SSC5D: variants seen among roughly 807,000 people sequenced by gnomAD.
SSC5D encodes the protein soluble scavenger receptor cysteine-rich domain-containing protein SSC5D.
Under a neutral mutation model 104.6 loss-of-function variants are expected in SSC5D, and 106 were observed. The ratio of observed to expected loss-of-function variants is 1.01; its 90% CI spans 0.87 to 1.19. SSC5D has a LOEUF of 1.19. Among genes scored for constraint, SSC5D ranks in the 50% most tolerant of loss-of-function variants. The pLI is 0.00. For synonymous variants in SSC5D, 860 were observed against 883.5 expected, an observed-to-expected ratio of 0.97 and a Z score of 0.47; for missense variants, 1,993 against 2,153.8, an observed-to-expected ratio of 0.93 and a Z score of 1.48.
rs1326682189 is a variant in SSC5D, at chr19:55,493,855, C to G, written c.1156C>G (p.Arg386Gly). 10 of 1,549,146 alleles carry G rather than the reference C, an allele frequency of 6.5e-6. No individual in the cohort carries two copies. The highest frequency in any genetic ancestry group is 8.7e-6 in the Non-Finnish European group (10 of 1,146,692). Residue 386 changes from arginine to glycine, a missense_variant, in exon 7 of 14, where the codon CGG (arginine) becomes GGG (glycine). Transcript: ENST00000389623. ...GACGGCCTTACGATTCTGCCCAGCT[C>G]GGCCCTGGGGCCAGCATGACTGTCA... ...NETALRFCPA[R>G]PWGQHDCHHR...
At position 55,517,494 on chromosome 19, in the gene SSC5D, C is replaced by A. The variant is rs1156650263; in HGVS notation, c.3218C>A (p.Thr1073Asn). The A allele has an allele frequency of 1.3e-6, 2 of 1,551,388 alleles. No homozygotes were observed. Among genetic ancestry groups the A allele is most frequent in the Admixed American group, 2.0e-5 (1 of 50,956 alleles). The change falls in exon 14 of 14, where the codon ACC (threonine) becomes AAC (asparagine). Residue 1073 changes from threonine (T) to asparagine (N), a missense_variant. Around this residue, in one of 6 missense-constraint regions of SSC5D, gnomAD observed 423 missense variants for 409.2 expected, o/e 1.03. Coordinates refer to ENST00000389623, the MANE Select transcript of SSC5D (RefSeq NM_001144950.2). ...ACAAGCCCTGACTTTGCTTTGTCCA[C>A]CCCTGACTCCAGTGTGGTTCCCGCG... The part of the protein sequence containing the change: ...ILTSPDFALS[T>N]PDSSVVPALT...
Position 55,490,765 on chromosome 19 carries a change from C to A in SSC5D, c.587-7C>A. On this transcript the variant is annotated splice_polypyrimidine_tract_variant and splice_region_variant and intron_variant, in intron 5 of 13. Coordinates refer to ENST00000389623, the MANE Select transcript of SSC5D (RefSeq NM_001144950.2). ...GCCACACCGTCCCCTCCCTGCTCAC[C>A]CCACAGAGCGGCTGCGCCTGGTCTC... is the stretch of plus-strand genomic sequence containing the variant. 1.3e-6 allele frequency: 2 copies of A among 1,509,580 alleles called. No individual in the cohort carries two copies. 93.5% of individuals were successfully genotyped at this position (1,509,580 alleles called of 1,614,324 possible).
intron 8 of SSC5D, among the ~76,000 whole-genome samples, chr19:55,495,478 C>T (rs1379406933): frequency 6.6e-6 from 1 of 150,966 alleles, no homozygotes; most frequent in Non-Finnish European, 1.5e-5. Flanking sequence ...AACCATCTGC[C>T]TGCCTCGGCC....
Position 55,517,482 on chromosome 19 carries a change from T to G in SSC5D, c.3206T>G (p.Phe1069Cys). Residue 1069 changes from phenylalanine (F) to cysteine (C), a missense_variant, in exon 14 of 14, where the codon TTT (phenylalanine) becomes TGT (cysteine). Phe to Cys is a radical substitution (Grantham distance 205). Transcript: ENST00000389623. ...NPDLILTSPD[F>C]ALSTPDSSVV... ...GACCTCATCTTGACAAGCCCTGACT[T>G]TGCTTTGTCCACCCCTGACTCCAGT... 6.4e-7 allele frequency: 1 copy of G among 1,551,188 alleles called. No individual in the cohort carries two copies. The highest frequency in any genetic ancestry group is 8.7e-7 in the Non-Finnish European group (1 of 1,146,954).
chr19:55,513,588 A>G (rs1017309637), intron 13 of SSC5D, among the ~76,000 whole-genome samples: 3 of 152,116 alleles, frequency 2.0e-5, no homozygotes, highest in African/African-American at 7.2e-5. Flanking sequence ...ACAAAAACAG[A>G]ACCAAGAGGT....
chr19:55,511,522 C>G (rs1987756390), intron 12 of SSC5D, among the ~76,000 whole-genome samples: 1 of 152,126 alleles, frequency 6.6e-6, no homozygotes, highest in South Asian at 2.1e-4. Flanking sequence ...TGGTTGTTCC[C>G]AGTGTTTTGC....
At chr19:55,510,144 T>C (rs534888264) in intron 12 of SSC5D, among the ~76,000 whole-genome samples, 21 of 152,084 alleles carry the variant, frequency 1.4e-4, no homozygotes, top group African/African-American at 5.1e-4. Context: ...ACTACTGGTG[T>C]GCCCCACCAC....
intron 13 of SSC5D, among the ~76,000 whole-genome samples, chr19:55,514,427 T>G (rs1987823439): frequency 3.0e-5 from 2 of 66,710 alleles, no homozygotes; most frequent in African/African-American, 1.0e-4. Flanking sequence ...ATAATAATAA[T>G]AATAATAATA....
intron 7 of SSC5D, 130 bp from the exon 8 acceptor site, chr19:55,494,480 G>A: frequency 9.6e-7 from 1 of 1,040,872 alleles, no homozygotes. Context: ...TGTCTAGGGA[G>A]GAGGTTCGGC....
rs1987962393 is a variant in SSC5D at position 55,518,969 on chromosome 19, G to T, written c.4693G>T (p.Glu1565Ter). ...ACCAACCACCACTACCCCAGAGGAA[G>T]AAGAAAGACCCCTGAGGGGAGACGT... ...PAPTTTTPEE[E>*]ERPLRGDV The change falls in exon 14 of 14, where the codon GAA (glutamate) becomes TAA (stop). Residue 1565 changes from glutamate to a stop codon, truncating the protein, a stop_gained. Coordinates refer to ENST00000389623, the MANE Select transcript of SSC5D (RefSeq NM_001144950.2). LOFTEE classifies it high-confidence loss of function. 1 of 1,550,300 alleles carries T rather than the reference G, an allele frequency of 6.5e-7. No individual in the cohort carries two copies. Among genetic ancestry groups the T allele is most frequent in the African/African-American group, 1.4e-5 (1 of 73,012 alleles).
chr19:55,504,151 C>A lies in SSC5D; in HGVS notation c.2785+2950C>A, dbSNP rs187861899. ...GGGAGCTCCGAGAGGTGATGCTCCTCGTTCAAGGACTGCCAGGGTTGCAGC... is the reference window on the plus strand; with the variant it reads ...GGGAGCTCCGAGAGGTGATGCTCCTAGTTCAAGGACTGCCAGGGTTGCAGC... On this transcript the variant is annotated intron_variant, in intron 12 of 13. Coordinates refer to ENST00000389623, the MANE Select transcript of SSC5D (RefSeq NM_001144950.2). 21 of 1,535,672 alleles carry A rather than the reference C, an allele frequency of 1.4e-5. No individual in the cohort carries two copies. The East Asian group carries it at 3.7e-4, about 27-fold the overall frequency.
At chr19:55,508,947 C>T (rs1387119646) in intron 12 of SSC5D, among the ~76,000 whole-genome samples, 1 of 147,462 alleles carries the variant, frequency 6.8e-6, no homozygotes. Context: ...CAGGGATGGC[C>T]TCATCCACAG....
intron 12 of SSC5D, among the ~76,000 whole-genome samples, chr19:55,502,472 TCTC>T (rs1330312012): frequency 6.6e-6 from 1 of 152,144 alleles, no homozygotes; most frequent in Admixed American, 6.6e-5. Context: ...GTGGTCAGTT[TCTC>T]TTTATTTTTT....
chr19:55,490,422 A>G lies in SSC5D; in HGVS notation c.586+14A>G. The G allele has an allele frequency of 3.6e-6, 3 of 843,810 alleles. No individual in the cohort carries two copies. The highest frequency in any genetic ancestry group is 5.3e-6 in the Non-Finnish European group (3 of 565,268). 52.3% of individuals were successfully genotyped at this position (843,810 alleles called of 1,614,324 possible). On this transcript the variant is annotated intron_variant, in intron 5 of 13. Coordinates refer to ENST00000389623, the MANE Select transcript of SSC5D (RefSeq NM_001144950.2). ...CCCCCCGCCAAGGTAAGCTCCCTGC[A>G]GGCTCCCCCGACCCCAAGGCTGGTT... is the stretch of plus-strand genomic sequence containing the variant.
intron 9 of SSC5D, among the ~76,000 whole-genome samples, chr19:55,499,076 G>A (rs1357481527): frequency 3.3e-5 from 5 of 152,178 alleles, no homozygotes; most frequent in Admixed American, 3.3e-4. Context: ...CAGAGTGTTC[G>A]TGGGGACTTG....
chr19:55,501,197 C>T lies in SSC5D; in HGVS notation c.2781C>T (p.Asp927=). The T allele has an allele frequency of 6.5e-7, 1 of 1,527,454 alleles. No homozygotes were observed. Among genetic ancestry groups the T allele is most frequent in the Non-Finnish European group, 8.8e-7 (1 of 1,136,620 alleles). 94.6% of individuals were successfully genotyped at this position (1,527,454 alleles called of 1,614,324 possible). A position where few individuals can be genotyped will look rare whatever the true frequency, so the allele number is the denominator to read the frequency against. Residue 927 remains aspartate, a synonymous_variant, in exon 12 of 14, where the codon GAC becomes GAT. Coordinates refer to ENST00000389623, the MANE Select transcript of SSC5D (RefSeq NM_001144950.2). ...SSSPAIRRLP[D]TGSKDGYKLP... is the part of the protein sequence containing the mutation. ...CCCCAGCAATAAGGCGCCTGCCGGA[C>T]ACAGGTGAGAGGCCTGATTGGGGTG...
At chr19:55,516,389 C>T (rs899921888) in intron 13 of SSC5D, among the ~76,000 whole-genome samples, 6 of 151,608 alleles carry the variant, frequency 4.0e-5, no homozygotes, top group African/African-American at 9.7e-5. Flanking sequence ...CCCAGCTACT[C>T]GGGAGGCTGA....
intron 13 of SSC5D, among the ~76,000 whole-genome samples, chr19:55,513,631 C>A (rs752544363): frequency 6.6e-6 from 1 of 152,104 alleles, no homozygotes; most frequent in African/African-American, 2.4e-5. Context: ...CAACTAGGGT[C>A]GATTTTGCCC....
At chr19:55,514,172 G>A (rs1987816153) in intron 13 of SSC5D, among the ~76,000 whole-genome samples, 1 of 152,240 alleles carries the variant, frequency 6.6e-6, no homozygotes. Context: ...TTGGGAGGCT[G>A]AGGCGGGCAG....
Sources: gnomAD v4.1 joint callset for allele counts (sites outside exome capture counted in the v4.1 genomes callset) on GRCh38, gnomAD v4.1.1 for gene constraint, gnomAD v4.1.1 regional missense constraint, MANE v1.5 for transcripts, NCBI Gene and HGNC (gene_info 2026-07-23, HGNC 2026-07-21) for gene names.